Variants in FHIP1A observed in about 807,000 individuals in gnomAD.
The protein encoded by FHIP1A is FHF complex subunit HOOK-interacting protein 1A.
FHIP1A carries 61 observed loss-of-function variants against 88.6 expected under a neutral mutation model. The observed-to-expected ratio is 0.69, with a 90% confidence interval of 0.56 to 0.85. The LOEUF (loss-of-function observed/expected upper bound fraction) is 0.85, where lower values mean the gene tolerates loss of function less well. Ranked by LOEUF, FHIP1A falls within the 40% of genes least tolerant of loss-of-function variation. The pLI is 0.00. For synonymous variants in FHIP1A, 478 were observed against 496.0 expected (o/e 0.96, Z 0.48); for missense variants, 1,154 against 1,273.5 (o/e 0.91, Z 1.43).
intron 3 of FHIP1A, among the ~76,000 whole-genome samples, chr4:151,557,013 T>C (rs538422712): frequency 6.6e-6 from 1 of 152,316 alleles, no homozygotes; most frequent in Admixed American, 6.5e-5. Flanking sequence ...GGTATTTTCA[T>C]GTTTTGCCTT....
chr4:151,541,500 T>C (rs1191843092), intron 3 of FHIP1A, among the ~76,000 whole-genome samples: 1 of 152,200 alleles, frequency 6.6e-6, no homozygotes, highest in Non-Finnish European at 1.5e-5. Flanking sequence ...TTCATTAAGC[T>C]CCTGCATGCC....
chr4:151,489,398 C>G (rs971252586), intron 3 of FHIP1A, among the ~76,000 whole-genome samples: 1 of 152,064 alleles, frequency 6.6e-6, no homozygotes, highest in African/African-American at 2.4e-5. Flanking sequence ...GAAGGAAACT[C>G]CTAGCTGAAC....
intron 2 of FHIP1A, among the ~76,000 whole-genome samples, chr4:151,480,729 A>G (rs1451612485): frequency 6.6e-6 from 1 of 152,050 alleles, no homozygotes; most frequent in Non-Finnish European, 1.5e-5. Context: ...TGTTTTTTGC[A>G]TGCAAAACGT....
At chr4:151,413,008 A>G (rs1379953788) in intron 1 of FHIP1A, among the ~76,000 whole-genome samples, 1 of 152,098 alleles carries the variant, frequency 6.6e-6, no homozygotes, top group African/African-American at 2.4e-5. Flanking sequence ...TAACCAAAAT[A>G]TGAGCTCATG....
intron 3 of FHIP1A, among the ~76,000 whole-genome samples, chr4:151,513,413 A>G (rs1174929410): frequency 1.3e-5 from 2 of 152,236 alleles, no homozygotes; most frequent in South Asian, 2.1e-4. Flanking sequence ...AAAATAACCA[A>G]CTAACATCAT....
At chr4:151,559,702 C>A (rs917606064) in intron 3 of FHIP1A, among the ~76,000 whole-genome samples, 1 of 151,968 alleles carries the variant, frequency 6.6e-6, no homozygotes, top group Non-Finnish European at 1.5e-5. Context: ...TCTTTTCAAT[C>A]ATTTACCATT....
chr4:151,411,785 G>A (rs565661057), intron 1 of FHIP1A, among the ~76,000 whole-genome samples: 19 of 152,254 alleles, frequency 1.2e-4, no homozygotes, highest in East Asian at 3.9e-4. Context: ...AGGGTGATAC[G>A]TAGGCCCAGT....
At chr4:151,415,657 A>G (rs1296828014) in intron 1 of FHIP1A, among the ~76,000 whole-genome samples, 3 of 152,178 alleles carry the variant, frequency 2.0e-5, no homozygotes, top group South Asian at 4.1e-4. Context: ...TTTTATTTAC[A>G]TTTCCTCTAG....
chr4:151,597,016 C>A (rs1298907302), intron 7 of FHIP1A, among the ~76,000 whole-genome samples: 2 of 152,124 alleles, frequency 1.3e-5, no homozygotes, highest in African/African-American at 4.8e-5. Context: ...CCTTCTGAAG[C>A]CTACTTCTGT....
At position 151,650,531 on chromosome 4, in the gene FHIP1A, G is replaced by A. The variant is rs1414789652; in HGVS notation, c.2490G>A (p.Gly830=). 3.2e-6 allele frequency: 5 copies of A among 1,551,484 alleles called. No individual in the cohort carries two copies. The highest frequency in any genetic ancestry group is 3.5e-6 in the Non-Finnish European group (4 of 1,147,050). ...AVETVPSPFV[G]RDEAAFASRH... is the part of the protein sequence containing the mutation. ...AGACTGTGCCTTCCCCATTTGTGGG[G>A]AGAGATGAGGCTGCCTTTGCCAGTC... The change falls in exon 11 of 14, where the codon GGG becomes GGA. Residue 830 remains glycine (G), a synonymous_variant. Coordinates refer to ENST00000435205, the MANE Select transcript of FHIP1A (RefSeq NM_001109977.3).
Position 151,638,746 on chromosome 4 carries a change from C to T in FHIP1A, c.1216C>T (p.Leu406=). Reference sequence around the variant, plus strand: ...ACATTGTGAAGATGTGATGTTACAGCTAGTTCTAAGGTGAGTTGCCTTTTT... The same window carrying T: ...ACATTGTGAAGATGTGATGTTACAGTTAGTTCTAAGGTGAGTTGCCTTTTT... ...GLHCEDVMLQ[L]VLRYLIPCNH... The change falls in exon 9 of 14, where the codon CTA becomes TTA. Residue 406 remains leucine (L), a synonymous_variant. Transcript: ENST00000435205. 1.3e-6 allele frequency: 2 copies of T among 1,546,204 alleles called. No homozygotes were observed. Among genetic ancestry groups the T allele is most frequent in the Non-Finnish European group, 1.8e-6 (2 of 1,142,760 alleles).
chr4:151,586,650 A>C lies in FHIP1A; in HGVS notation c.742A>C (p.Thr248Pro). 6.5e-7 allele frequency: 1 copy of C among 1,544,264 alleles called. No homozygotes were observed. Among genetic ancestry groups the C allele is most frequent in the Non-Finnish European group, 8.8e-7 (1 of 1,141,428 alleles). Residue 248 changes from threonine (T) to proline (P), a missense_variant, in exon 6 of 14, where the codon ACT becomes CCT. By Grantham distance (38) the Thr-to-Pro change is conservative. Coordinates refer to ENST00000435205, the MANE Select transcript of FHIP1A (RefSeq NM_001109977.3). ...ENTYFCPVLATGLSGLYSSLP... is the reference protein window; with the variant it reads ...ENTYFCPVLAPGLSGLYSSLP... ...TTATTTCTGAACACAGGTACTTGCA[A>C]CTGGGCTCAGTGGTCTCTACTCTTC...
At chr4:151,650,641 A>G in intron 11 of FHIP1A, 49 bp downstream of exon 11, 1 of 1,497,834 alleles carries the variant, frequency 6.7e-7, no homozygotes, top group East Asian at 2.5e-5. Context: ...AAGTACTTGT[A>G]TATATTGGAA....
chr4:151,646,998 A>G (rs1410684028), intron 10 of FHIP1A, among the ~76,000 whole-genome samples: 1 of 152,178 alleles, frequency 6.6e-6, no homozygotes, highest in Non-Finnish European at 1.5e-5. Context: ...TGGGATCCTC[A>G]GAGTCAAAAT....
chr4:151,433,019 G>T (rs1478249461), intron 1 of FHIP1A, among the ~76,000 whole-genome samples: 4 of 152,104 alleles, frequency 2.6e-5, no homozygotes, highest in Admixed American at 2.6e-4. Context: ...AGCAAAAATG[G>T]AAAGATACAG....
At chr4:151,416,219 C>A (rs918977318) in intron 1 of FHIP1A, among the ~76,000 whole-genome samples, 3 of 152,148 alleles carry the variant, frequency 2.0e-5, no homozygotes, top group Admixed American at 6.5e-5. Flanking sequence ...GAGGTGGGAA[C>A]ATTTCAGGAA....
At chr4:151,492,904 T>C (rs1326901969) in intron 3 of FHIP1A, among the ~76,000 whole-genome samples, 3 of 152,002 alleles carry the variant, frequency 2.0e-5, no homozygotes, top group Non-Finnish European at 4.4e-5. Context: ...AAATAGATAA[T>C]CTAAGGTCAC....
In FHIP1A at chr4:151,527,546, C is replaced by T. The variant is rs183619314; in HGVS notation, c.-122-38592C>T. 1.3e-3 allele frequency among the ~76,000 whole-genome samples: 192 copies of T among 151,872 alleles called. 1 individual carries two copies. The highest frequency in any genetic ancestry group is 3.5e-3 in the Admixed American group (54 of 15,264). ...AGGGAGAGGGAGACCGTGGGGAGAG[C>T]GAGAGCGAGAGAGAGAGGGAGAGGG... On this transcript the variant is annotated intron_variant, in intron 3 of 13. Coordinates refer to ENST00000435205, the MANE Select transcript of FHIP1A (RefSeq NM_001109977.3).
At chr4:151,577,281 C>T (rs953964455) in intron 4 of FHIP1A, among the ~76,000 whole-genome samples, 169 bp from the exon 5 acceptor site, 5 of 152,130 alleles carry the variant, frequency 3.3e-5, no homozygotes, top group African/African-American at 1.2e-4. Flanking sequence ...TTAACTCCTT[C>T]ATTTTAGTGT....
Sources: gnomAD v4.1 joint callset for allele counts (sites outside exome capture counted in the v4.1 genomes callset) on GRCh38, gnomAD v4.1.1 for gene constraint, MANE v1.5 for transcripts, NCBI Gene and HGNC (gene_info 2026-07-23, HGNC 2026-07-21) for gene names.